Variants in COL11A2 observed in about 807,000 individuals in gnomAD.
COL11A2 encodes the protein collagen type XI alpha 2 chain, also known as collagen alpha-2(XI) chain.
In COL11A2, 116 loss-of-function variants were observed where a neutral mutation model predicts 273.4. The observed-to-expected ratio is 0.42, with a 90% CI of 0.36 to 0.49. The LOEUF (loss-of-function observed/expected upper bound fraction) is 0.49, where lower values mean the gene tolerates loss of function less well. COL11A2 is among the 20% of genes least tolerant of loss of function. The probability of loss-of-function intolerance (pLI) is 0.00; values close to 1 mark genes in which losing one functional copy is unlikely to be tolerated. For missense variants in COL11A2, 1,866 were observed against 2,309.0 expected (o/e 0.81, Z 3.93); for synonymous variants, 782 against 864.2 (o/e 0.90, Z 1.67).
At chr6:33,175,913 C>T in intron 29 of COL11A2, 103 bp downstream of exon 29, 1 of 1,408,568 alleles carries the variant, frequency 7.1e-7, no homozygotes, top group Admixed American at 1.7e-5. Flanking sequence ...AGCACTGGAA[C>T]TGTGGAGTCT....
chr6:33,164,389 C>T lies in COL11A2; in HGVS notation c.4948G>A (p.Asp1650Asn). Residue 1650 changes from aspartate to asparagine, a missense_variant, in exon 65 of 66, where the codon GAC becomes AAC. Physicochemically the swap from Asp to Asn is conservative, Grantham distance 23. Transcript: ENST00000341947. The surrounding 1 kb of genome is among the most constrained non-coding windows in gnomAD (Gnocchi z 4.7). Reference protein sequence around the residue: ...LRLLSVSAHQDVSYPCSGAAR... With the variant: ...LRLLSVSAHQNVSYPCSGAAR... ...GCTCCAGAGCAGGGGTAGGAGACGT[C>T]CTGGTGGGCTGAGACGCTGAGCAGC... is the stretch of plus-strand genomic sequence containing the variant. 3 of 1,609,968 alleles carry T rather than the reference C, an allele frequency of 1.9e-6. No homozygotes were observed. The highest frequency in any genetic ancestry group is 2.5e-6 in the Non-Finnish European group (3 of 1,178,654).
intron 1 of COL11A2, 135 bp downstream of exon 1, chr6:33,192,024 A>AG (rs1773178389): frequency 1.2e-6 from 1 of 817,654 alleles, no homozygotes; most frequent in Non-Finnish European, 2.1e-6. Context: ...CCTGCCCTCC[A>AG]GCCTGTAGCC....
chr6:33,189,167 G>A lies in COL11A2; in HGVS notation c.254C>T (p.Ser85Phe), dbSNP rs1421796826. The A allele has an allele frequency of 6.2e-7, 1 of 1,614,030 alleles. No individual in the cohort carries two copies. Among genetic ancestry groups the A allele is most frequent in the Non-Finnish European group, 8.5e-7 (1 of 1,179,914 alleles). ...GCGGGTCCGGACAACAGTCAGCAGA[G>A]AGAAATCTTTGGGAAATCCTCCTAG... ...LFPGGFPKDF[S>F]LLTVVRTRPG... The change falls in exon 3 of 66, where the codon TCT becomes TTT. Residue 85 changes from serine (S) to phenylalanine (F), a missense_variant. Physicochemically the swap from Ser to Phe is radical, Grantham distance 155. Transcript: ENST00000341947. The surrounding 1 kb of genome is among the most constrained non-coding windows in gnomAD (Gnocchi z 5.6).
chr6:33,177,285 C>A lies in COL11A2; in HGVS notation c.1972-60G>T. On this transcript the variant is annotated intron_variant, in intron 23 of 65. Transcript: ENST00000341947. This position sits in a 1 kb window ranked among gnomAD's most constrained non-coding sequence, Gnocchi z 5.9. ...CCAGGGTCTCTTCTATCCAGCCTCC[C>A]GGATTCAAAGCATGAGCAACAAGGG... 1 of 1,608,462 alleles carries A rather than the reference C, an allele frequency of 6.2e-7. No homozygotes were observed. The highest frequency in any genetic ancestry group is 8.5e-7 in the Non-Finnish European group (1 of 1,176,300).
Position 33,172,586 on chromosome 6 carries a change from G to C in COL11A2, c.2842C>G (p.Pro948Ala). The change falls in exon 39 of 66, where the codon CCG (proline) becomes GCG (alanine). Residue 948 changes from proline to alanine, a missense_variant. Pro to Ala is a conservative substitution (Grantham distance 27). Coordinates refer to ENST00000341947, the MANE Select transcript of COL11A2 (RefSeq NM_080680.3). The part of the protein sequence containing the change: ...PMGERGHPGP[P>A]GPPGEQGLPG... Reference sequence around the variant, plus strand: ...AGTCCCTGCTCTCCAGGGGGCCCCGGGGGGCCTGGGTGACCTCTCTCCCCC... The same window carrying C: ...AGTCCCTGCTCTCCAGGGGGCCCCGCGGGGCCTGGGTGACCTCTCTCCCCC... 6.2e-7 allele frequency: 1 copy of C among 1,612,604 alleles called. No individual in the cohort carries two copies. Among genetic ancestry groups the C allele is most frequent in the Non-Finnish European group, 8.5e-7 (1 of 1,179,900 alleles).
At position 33,189,700 on chromosome 6, in the gene COL11A2, C is replaced by A. The variant is rs916895347; in HGVS notation, c.83-231G>T. Among the ~76,000 whole-genome samples the A allele has an allele frequency of 1.3e-5, 2 of 152,206 alleles. No individual in the cohort carries two copies. Among genetic ancestry groups the A allele is most frequent in the Non-Finnish European group, 2.9e-5 (2 of 68,040 alleles). On this transcript the variant is annotated intron_variant, in intron 1 of 65. Coordinates refer to ENST00000341947, the MANE Select transcript of COL11A2 (RefSeq NM_080680.3). This position sits in a 1 kb window ranked among gnomAD's most constrained non-coding sequence, Gnocchi z 5.6. ...AACCCCATGACACTCCTGCCCCTGT[C>A]TCTCCTAGCATCTGCCTCTCTTACG...
At chr6:33,191,817 G>A (rs1446524028) in intron 1 of COL11A2, among the ~76,000 whole-genome samples, 2 of 152,172 alleles carry the variant, frequency 1.3e-5, no homozygotes, top group Non-Finnish European at 2.9e-5. Flanking sequence ...CAACATTGGC[G>A]TCTACCATCC....
Position 33,172,082 on chromosome 6 carries a change from T to C in COL11A2, c.3010A>G (p.Asn1004Asp), listed in dbSNP as rs953087303. 3 of 1,612,502 alleles carry C rather than the reference T, an allele frequency of 1.9e-6. No individual in the cohort carries two copies. The Admixed American group carries it at 5.0e-5, about 27-fold the overall frequency. ...GTAGGPGLKG[N>D]EGPSGPPGPA... ...CCAGGGGGGCCAGACGGACCTTCAT[T>C]CCCCTTCAAACCAGGTCCACCCTAT... is the stretch of plus-strand genomic sequence containing the variant. The change falls in exon 41 of 66, where the codon AAT (asparagine) becomes GAT (aspartate). Residue 1004 changes from asparagine (N) to aspartate (D), a missense_variant. Physicochemically the swap from Asn to Asp is conservative, Grantham distance 23. Transcript: ENST00000341947.
chr6:33,171,223 C>A, intron 44 of COL11A2, 48 bp downstream of exon 44: 1 of 1,614,018 alleles, frequency 6.2e-7, no homozygotes, highest in Non-Finnish European at 8.5e-7. Flanking sequence ...TCAGGTGGGA[C>A]TGAGGTTAAA....
At position 33,172,071 on chromosome 6, in the gene COL11A2, C is replaced by A. The variant is rs370652074; in HGVS notation, c.3021G>T (p.Pro1007=). 5.6e-6 allele frequency: 9 copies of A among 1,612,862 alleles called. No individual in the cohort carries two copies. Among genetic ancestry groups the A allele is most frequent in the Admixed American group, 1.7e-5 (1 of 60,016 alleles). ...GGPGLKGNEG[P]SGPPGPAGSP... ...TCACTGCAGGGCCAGGGGGGCCAGA[C>A]GGACCTTCATTCCCCTTCAAACCAG... is the stretch of plus-strand genomic sequence containing the variant. Residue 1007 remains proline, a synonymous_variant, in exon 41 of 66, where the codon CCG becomes CCT. Transcript: ENST00000341947.
In COL11A2 at chr6:33,173,775, G is replaced by T; in HGVS notation, c.2584-30C>A. 1 of 1,606,530 alleles carries T rather than the reference G, an allele frequency of 6.2e-7. No individual in the cohort carries two copies. Among genetic ancestry groups the T allele is most frequent in the Non-Finnish European group, 8.5e-7 (1 of 1,174,540 alleles). The stretch of plus-strand genomic sequence containing the variant: ...GGGGGGAAACAGAGTCAAGGAGTGG[G>T]AAGAGCTGCTTTCCAGCTGTCCCCG... On this transcript the variant is annotated intron_variant, in intron 34 of 65. Transcript: ENST00000341947. The surrounding 1 kb of genome is among the most constrained non-coding windows in gnomAD (Gnocchi z 6.3).
Position 33,165,804 on chromosome 6 carries a change from C to T in COL11A2, c.4495G>A (p.Glu1499Lys), listed in dbSNP as rs727504543. Residue 1499 changes from glutamate (E) to lysine (K), a missense_variant, in exon 63 of 66, where the codon GAG becomes AAG. Coordinates refer to ENST00000341947, the MANE Select transcript of COL11A2 (RefSeq NM_080680.3). This position sits in a 1 kb window ranked among gnomAD's most constrained non-coding sequence, Gnocchi z 7.7. The stretch of plus-strand genomic sequence containing the variant: ...TGAATGGGCAGTGGCTGGATCACCT[C>T]GCCTGGGGGACCCTGGGTGCAGGGA... ...GPPGHPGPPGEVIQPLPIQMP... is the reference protein window; with the variant it reads ...GPPGHPGPPGKVIQPLPIQMP... The T allele has an allele frequency of 4.3e-6, 7 of 1,613,320 alleles. No homozygotes were observed. Among genetic ancestry groups the T allele is most frequent in the African/African-American group, 1.3e-5 (1 of 74,866 alleles).
At chr6:33,180,192 T>C (rs1771533225) in intron 12 of COL11A2, 66 bp downstream of exon 12, 1 of 1,482,096 alleles carries the variant, frequency 6.7e-7, no homozygotes, top group African/African-American at 1.4e-5. Flanking sequence ...CATCTGGTTC[T>C]TGGTAACATG....
Position 33,178,971 on chromosome 6 carries a change from GC to G in COL11A2, c.1613del (p.Gly538AlafsTer17). The G allele has an allele frequency of 6.2e-7, 1 of 1,614,132 alleles. No individual in the cohort carries two copies. The highest frequency in any genetic ancestry group is 8.5e-7 in the Non-Finnish European group (1 of 1,180,006). On this transcript the variant is annotated frameshift_variant and splice_region_variant, in exon 17 of 66. Transcript: ENST00000341947. LOFTEE classifies it high-confidence loss of function. This position sits in a 1 kb window ranked among gnomAD's most constrained non-coding sequence, Gnocchi z 4.6. ...TGPPGKAGRR[G>X]RAGADGARGM... ...CTCGGGCTCCATCAGCACCTGCCCG[GC>G]CCTGGGAGAACAAGGGAAGTGTCAG...
Position 33,171,310 on chromosome 6 carries a change from G to A in COL11A2, c.3273C>T (p.Asp1091=), listed in dbSNP as rs751745705. The change falls in exon 44 of 66, where the codon GAC becomes GAT. Residue 1091 remains aspartate, a synonymous_variant. Transcript: ENST00000341947. The part of the protein sequence containing the change: ...GEDGDKGEVG[D]PGQKGTKGNK... ...TCCCTTTGGTGCCCTTCTGTCCGGGGTCCCCCACCTCACCCTGGGAGGAGA... is the reference window on the plus strand; with the variant it reads ...TCCCTTTGGTGCCCTTCTGTCCGGGATCCCCCACCTCACCCTGGGAGGAGA... 6 of 1,614,218 alleles carry A rather than the reference G, an allele frequency of 3.7e-6. No individual in the cohort carries two copies. The highest frequency in any genetic ancestry group is 1.1e-5 in the South Asian group (1 of 91,088).
At chr6:33,174,126 A>G (rs1337627053) in intron 32 of COL11A2, 39 bp downstream of exon 32, 1 of 1,607,768 alleles carries the variant, frequency 6.2e-7, no homozygotes, top group African/African-American at 1.3e-5. Context: ...ACACCTCTCC[A>G]GCCCTTCCCT....
chr6:33,177,976 T>A lies in COL11A2; in HGVS notation c.1872+156A>T. The stretch of plus-strand genomic sequence containing the variant: ...GCCCTCCCTGTGCACGGGGAGCGAA[T>A]GCTGAGGCAGGGCAGTGTGGGGCCA... On this transcript the variant is annotated intron_variant, in intron 21 of 65. Transcript: ENST00000341947. This position sits in a 1 kb window ranked among gnomAD's most constrained non-coding sequence, Gnocchi z 5.9. 1.1e-6 allele frequency: 1 copy of A among 879,806 alleles called. No individual in the cohort carries two copies. Among genetic ancestry groups the A allele is most frequent in the Non-Finnish European group, 1.8e-6 (1 of 561,404 alleles). The allele number at this position is 879,806 out of a possible 1,614,324, so 54.5% of individuals were successfully genotyped here.
In COL11A2 at chr6:33,167,953, A is replaced by G; in HGVS notation, c.3961-101T>C. On this transcript the variant is annotated intron_variant, in intron 54 of 65. Transcript: ENST00000341947. This position sits in a 1 kb window ranked among gnomAD's most constrained non-coding sequence, Gnocchi z 6.1. ...GACACACACATACACATGCACACAC[A>G]CACGTGCATACACAGGGACACGCGC... The G allele has an allele frequency of 8.3e-7, 1 of 1,207,768 alleles. No individual in the cohort carries two copies. Among genetic ancestry groups the G allele is most frequent in the Non-Finnish European group, 1.2e-6 (1 of 826,158 alleles). 74.8% of individuals were successfully genotyped at this position (1,207,768 alleles called of 1,614,324 possible).
Position 33,166,881 on chromosome 6 carries a change from G to A in COL11A2, c.4231-54C>T. On this transcript the variant is annotated intron_variant, in intron 58 of 65. Coordinates refer to ENST00000341947, the MANE Select transcript of COL11A2 (RefSeq NM_080680.3). The surrounding 1 kb of genome is among the most constrained non-coding windows in gnomAD (Gnocchi z 4.8). Reference sequence around the variant, plus strand: ...ATGCAAAGAGGAGTCATGTGGATGGGGGAGAAGGGCCAAGAGGACATGGAG... The same window carrying A: ...ATGCAAAGAGGAGTCATGTGGATGGAGGAGAAGGGCCAAGAGGACATGGAG... The A allele has an allele frequency of 1.9e-6, 3 of 1,583,528 alleles. No individual in the cohort carries two copies. The highest frequency in any genetic ancestry group is 2.6e-6 in the Non-Finnish European group (3 of 1,159,274).
Sources: gnomAD v4.1 joint callset for allele counts (sites outside exome capture counted in the v4.1 genomes callset) on GRCh38, gnomAD v4.1.1 for gene constraint, Gnocchi (gnomAD v3.1) non-coding constraint, MANE v1.5 for transcripts, NCBI Gene and HGNC (gene_info 2026-07-23, HGNC 2026-07-21) for gene names.